MSRB3: variants seen among roughly 807,000 people sequenced by gnomAD.
MSRB3 encodes the protein methionine-R-sulfoxide reductase B3.
A neutral mutation model predicts 21.0 loss-of-function variants in MSRB3; 13 were observed. The ratio of observed to expected loss-of-function variants is 0.62; its 90% CI spans 0.40 to 0.98. The LOEUF (loss-of-function observed/expected upper bound fraction) is 0.98, where lower values mean the gene tolerates loss of function less well. Ranked by LOEUF, MSRB3 falls within the 50% of genes least tolerant of loss-of-function variation. The pLI is 0.00. For missense variants in MSRB3, 199 were observed against 230.3 expected (o/e 0.86, Z 0.88); for synonymous variants, 87 against 88.6 (o/e 0.98, Z 0.10).
At chr12:65,365,105 T>G (rs1290822287) in intron 4 of MSRB3, among the ~76,000 whole-genome samples, 1 of 152,084 alleles carries the variant, frequency 6.6e-6, no homozygotes, top group Non-Finnish European at 1.5e-5. Flanking sequence ...GAATTAGGTA[T>G]TCTATAGACA....
chr12:65,427,275 G>GTGTA (rs1881647052), intron 5 of MSRB3, among the ~76,000 whole-genome samples: 1 of 152,166 alleles, frequency 6.6e-6, no homozygotes, highest in Admixed American at 6.5e-5. Flanking sequence ...AGGTGCAGCT[G>GTGTA]TGTATGTCTC....
At chr12:65,338,613 C>T (rs1443807379) in intron 4 of MSRB3, among the ~76,000 whole-genome samples, 1 of 152,132 alleles carries the variant, frequency 6.6e-6, no homozygotes, top group Admixed American at 6.5e-5. Flanking sequence ...AAGAAAAATT[C>T]ATAGTCGAGC....
At chr12:65,444,908 GT>G (rs2136687050) in intron 5 of MSRB3, among the ~76,000 whole-genome samples, 1 of 151,932 alleles carries the variant, frequency 6.6e-6, no homozygotes, top group East Asian at 1.9e-4. Context: ...TACCTGCCTG[GT>G]TCTCCTCTCC....
intron 5 of MSRB3, among the ~76,000 whole-genome samples, chr12:65,390,008 T>G (rs906879534): frequency 7.9e-5 from 12 of 152,190 alleles, no homozygotes; most frequent in Non-Finnish European, 1.6e-4. Context: ...ATAGAGAAAT[T>G]TAACACTATG....
At chr12:65,316,856 A>T (rs1219839982) in intron 2 of MSRB3, among the ~76,000 whole-genome samples, 1 of 152,176 alleles carries the variant, frequency 6.6e-6, no homozygotes, top group Non-Finnish European at 1.5e-5. Flanking sequence ...GATTCTCGGA[A>T]TAGGATTTCA....
chr12:65,408,952 A>C (rs957925615), intron 5 of MSRB3, among the ~76,000 whole-genome samples: 2 of 152,118 alleles, frequency 1.3e-5, no homozygotes, highest in African/African-American at 4.8e-5. Context: ...TGGAATCACA[A>C]GCGGACTTTT....
intron 5 of MSRB3, among the ~76,000 whole-genome samples, chr12:65,400,977 G>C (rs1880093698): frequency 1.3e-5 from 2 of 152,172 alleles, no homozygotes; most frequent in East Asian, 3.8e-4. Context: ...CTGAGAGACT[G>C]TTTGTTATGA....
At chr12:65,448,796 T>G (rs1172022383) in intron 5 of MSRB3, among the ~76,000 whole-genome samples, 2 of 152,164 alleles carry the variant, frequency 1.3e-5, no homozygotes, top group Non-Finnish European at 2.9e-5. Context: ...TAAGCACATT[T>G]TTAAAGAAAC....
At chr12:65,437,732 T>C in intron 5 of MSRB3, among the ~76,000 whole-genome samples, 1 of 33,008 alleles carries the variant, frequency 3.0e-5, no homozygotes, top group East Asian at 6.3e-4. Context: ...CCCAGGTGAA[T>C]GAATAATAAT....
intron 5 of MSRB3, among the ~76,000 whole-genome samples, chr12:65,373,071 G>A (rs1486965025): frequency 6.6e-6 from 1 of 152,184 alleles, no homozygotes; most frequent in Non-Finnish European, 1.5e-5. Context: ...TAATGGACTA[G>A]TAATGAGTAG....
chr12:65,432,406 G>T (rs138021320), intron 5 of MSRB3, among the ~76,000 whole-genome samples: 2,049 of 151,970 alleles, frequency 0.013, 40 homozygotes, highest in East Asian at 0.05. Flanking sequence ...ATTTTAAAAG[G>T]GGGGAAAAGC....
intron 5 of MSRB3, among the ~76,000 whole-genome samples, chr12:65,389,552 C>A (rs776768309): frequency 6.6e-6 from 1 of 152,180 alleles, no homozygotes; most frequent in Non-Finnish European, 1.5e-5. Context: ...TTCTTGCTAT[C>A]CTCACGTGTG....
chr12:65,387,832 G>A (rs1406500222), intron 5 of MSRB3, among the ~76,000 whole-genome samples: 2 of 151,442 alleles, frequency 1.3e-5, no homozygotes, highest in Non-Finnish European at 3.0e-5. Flanking sequence ...TTTCCCAGTT[G>A]GTTGCTTGAT....
chr12:65,434,859 G>A (rs1190046257), intron 5 of MSRB3, among the ~76,000 whole-genome samples: 2 of 151,850 alleles, frequency 1.3e-5, no homozygotes, highest in Non-Finnish European at 2.9e-5. Flanking sequence ...TCACAGATGA[G>A]TAAATCACAT....
intron 4 of MSRB3, among the ~76,000 whole-genome samples, chr12:65,347,693 G>T (rs1227030232): frequency 6.6e-6 from 1 of 152,150 alleles, no homozygotes; most frequent in Non-Finnish European, 1.5e-5. Flanking sequence ...TCCAGTTTTT[G>T]CCCATTCAGT....
At chr12:65,334,520 A>G (rs953478142) in intron 4 of MSRB3, among the ~76,000 whole-genome samples, 1 of 151,788 alleles carries the variant, frequency 6.6e-6, no homozygotes, top group Non-Finnish European at 1.5e-5. Context: ...AATGGAACAC[A>G]CAGAAACATG....
intron 1 of MSRB3, among the ~76,000 whole-genome samples, chr12:65,297,813 A>C (rs1873067542): frequency 6.6e-6 from 1 of 152,170 alleles, no homozygotes; most frequent in Non-Finnish European, 1.5e-5. Flanking sequence ...GGGGAATTAG[A>C]TTGGAGGCAG....
At chr12:65,355,775 G>A (rs1877346916) in intron 4 of MSRB3, among the ~76,000 whole-genome samples, 2 of 151,746 alleles carry the variant, frequency 1.3e-5, no homozygotes, top group South Asian at 4.2e-4. Context: ...AATTTACACA[G>A]ACTGCAAAGA....
intron 2 of MSRB3, among the ~76,000 whole-genome samples, chr12:65,324,313 T>A (rs548504483): frequency 2.0e-5 from 3 of 152,308 alleles, no homozygotes; most frequent in East Asian, 3.9e-4. Flanking sequence ...ATGAAATCTT[T>A]ATTCCCCTCC....
Sources: gnomAD v4.1 joint callset for allele counts (sites outside exome capture counted in the v4.1 genomes callset) on GRCh38, gnomAD v4.1.1 for gene constraint, MANE v1.5 for transcripts, NCBI Gene and HGNC (gene_info 2026-07-23, HGNC 2026-07-21) for gene names.